NCAM1: variants seen among roughly 807,000 people sequenced by gnomAD.
The protein encoded by NCAM1 is neural cell adhesion molecule 1, also known as antigen recognized by monoclonal antibody 5.1H11.
NCAM1 carries 14 observed loss-of-function variants against 109.8 expected under a neutral mutation model. The observed-to-expected ratio is 0.13, with a 90% CI of 0.08 to 0.20. The LOEUF is 0.20. Ranked by LOEUF, NCAM1 falls within the 10% of genes least tolerant of loss-of-function variation. The pLI, the probability that NCAM1 is intolerant of heterozygous loss-of-function variation, is 1.00. For synonymous variants in NCAM1, 418 were observed against 442.9 expected, an observed-to-expected ratio of 0.94 and a Z score of 0.70; for missense variants, 774 against 1,109.9, an observed-to-expected ratio of 0.70 and a Z score of 4.30.
At chr11:113,141,648 A>AAAAC (rs1235541902) in intron 1 of NCAM1, among the ~76,000 whole-genome samples, 2 of 152,160 alleles carry the variant, frequency 1.3e-5, no homozygotes, top group African/African-American at 4.8e-5. Context: ...ACTCCGTCTC[A>AAAAC]AAACAAACAA....
intron 1 of NCAM1, among the ~76,000 whole-genome samples, chr11:113,149,582 T>A (rs1290854574): frequency 3.3e-5 from 5 of 152,208 alleles, no homozygotes; most frequent in African/African-American, 1.2e-4. Context: ...GTCCTCAAGA[T>A]CTCCACAATT....
intron 2 of NCAM1, 21 bp downstream of exon 2, chr11:113,202,474 T>C: frequency 1.3e-6 from 2 of 1,592,536 alleles, no homozygotes; most frequent in Non-Finnish European, 1.7e-6. Flanking sequence ...AGTGCTCAGC[T>C]GCATTTTAGA....
chr11:113,264,664 G>A, intron 17 of NCAM1: 1 of 985,526 alleles, frequency 1.0e-6, no homozygotes, highest in Non-Finnish European at 1.2e-6. Flanking sequence ...ACCACCCACA[G>A]GAGAGGGGCA....
chr11:113,112,618 C>A (rs573717922), intron 1 of NCAM1, among the ~76,000 whole-genome samples: 2 of 152,144 alleles, frequency 1.3e-5, no homozygotes, highest in African/African-American at 4.8e-5. Flanking sequence ...GGACAGGGCT[C>A]ATTGTTCACC....
intron 1 of NCAM1, among the ~76,000 whole-genome samples, chr11:113,021,571 T>C (rs1350734111): frequency 6.6e-6 from 1 of 152,208 alleles, no homozygotes; most frequent in Non-Finnish European, 1.5e-5. Context: ...GTGGATTTTT[T>C]CCATGCTTAA....
chr11:113,156,410 G>A (rs1462034062), intron 1 of NCAM1, among the ~76,000 whole-genome samples: 10 of 152,074 alleles, frequency 6.6e-5, no homozygotes, highest in Non-Finnish European at 1.5e-5. Flanking sequence ...ATATATTGGG[G>A]GTTAATGACC....
intron 1 of NCAM1, among the ~76,000 whole-genome samples, chr11:113,137,952 G>C (rs1310138348): frequency 1.3e-5 from 2 of 152,012 alleles, no homozygotes; most frequent in Non-Finnish European, 2.9e-5. Context: ...GATGTCCGTA[G>C]CATACTTGGG....
chr11:113,003,099 C>T (rs1238853682), intron 1 of NCAM1, among the ~76,000 whole-genome samples: 1 of 152,212 alleles, frequency 6.6e-6, no homozygotes, highest in Non-Finnish European at 1.5e-5. Flanking sequence ...TAAATACAAA[C>T]TTCATCATCA....
At chr11:113,264,060 T>G (rs1042206119) in intron 17 of NCAM1, 1 of 985,234 alleles carries the variant, frequency 1.0e-6, no homozygotes, top group Non-Finnish European at 1.2e-6. Flanking sequence ...TAAGGTCCCT[T>G]GTGGAGACTC....
intron 1 of NCAM1, among the ~76,000 whole-genome samples, chr11:112,989,128 T>C (rs2134787122): frequency 6.6e-6 from 1 of 152,278 alleles, no homozygotes; most frequent in South Asian, 2.1e-4. Context: ...TGAGCTTCAT[T>C]AATCTAGATG....
intron 1 of NCAM1, among the ~76,000 whole-genome samples, chr11:113,148,783 A>G (rs112968495): frequency 1.4e-4 from 22 of 152,040 alleles, no homozygotes; most frequent in African/African-American, 5.3e-4. Context: ...TACAGTGAAG[A>G]CTCTTCCAAG....
intron 1 of NCAM1, among the ~76,000 whole-genome samples, chr11:113,099,167 G>C (rs1555091043): frequency 6.6e-6 from 1 of 152,154 alleles, no homozygotes; most frequent in East Asian, 1.9e-4. Flanking sequence ...TTTATTTAGT[G>C]GTGGAGATTA....
intron 1 of NCAM1, among the ~76,000 whole-genome samples, chr11:113,008,024 T>A (rs1422409748): frequency 6.6e-6 from 1 of 152,238 alleles, no homozygotes; most frequent in East Asian, 1.9e-4. Flanking sequence ...AGGCACCGTG[T>A]CAATTTAATT....
Position 112,961,561 on chromosome 11 carries a change from G to GC in NCAM1, c.-52_-51insC, listed in dbSNP as rs1565349049. On this transcript the variant is annotated 5_prime_UTR_variant, in exon 1 of 20. Coordinates refer to ENST00000316851, the MANE Select transcript of NCAM1 (RefSeq NM_181351.5). ...GCCGTCCACACTCGCTGCAGGGGGG[G>GC]GGGCACAGAATTTACCGCGGCAAGA... 2.6e-6 allele frequency: 3 copies of GC among 1,158,330 alleles called. No individual in the cohort carries two copies. The highest frequency in any genetic ancestry group is 1.5e-5 in the African/African-American group (1 of 65,850). 71.8% of individuals were successfully genotyped at this position (1,158,330 alleles called of 1,614,324 possible). A position where few individuals can be genotyped will look rare whatever the true frequency, so the allele number is the denominator to read the frequency against.
chr11:113,041,967 C>T (rs1953093885), intron 1 of NCAM1, among the ~76,000 whole-genome samples: 3 of 152,186 alleles, frequency 2.0e-5, no homozygotes, highest in Non-Finnish European at 4.4e-5. Context: ...TCTCTTAATT[C>T]GCTTTCTCTT....
At chr11:112,974,970 C>T (rs1950969903) in intron 1 of NCAM1, among the ~76,000 whole-genome samples, 1 of 151,878 alleles carries the variant, frequency 6.6e-6, no homozygotes, top group African/African-American at 2.4e-5. Context: ...CTTTTAAAAT[C>T]TTTTTTGAAG....
At chr11:113,185,784 T>C (rs1176488673) in intron 1 of NCAM1, among the ~76,000 whole-genome samples, 1 of 152,218 alleles carries the variant, frequency 6.6e-6, no homozygotes, top group African/African-American at 2.4e-5. Context: ...GGTTATTGAC[T>C]AAGCCAGTGA....
At chr11:113,184,501 T>G (rs1943433453) in intron 1 of NCAM1, among the ~76,000 whole-genome samples, 1 of 152,172 alleles carries the variant, frequency 6.6e-6, no homozygotes, top group Non-Finnish European at 1.5e-5. Context: ...TATAGCTAAC[T>G]CAGAATTTCT....
chr11:113,121,588 GA>G (rs1940965062), intron 1 of NCAM1, among the ~76,000 whole-genome samples: 1 of 139,180 alleles, frequency 7.2e-6, no homozygotes. Flanking sequence ...GGGCTTTTGA[GA>G]AGAATAACAA....
Sources: allele counts gnomAD v4.1 joint callset (sites outside exome capture counted in the v4.1 genomes callset), GRCh38; gene constraint gnomAD v4.1.1; transcripts MANE v1.5; gene names NCBI Gene and HGNC (gene_info 2026-07-23, HGNC 2026-07-21).